Variants in FAM185A observed in about 807,000 individuals in gnomAD.
FAM185A encodes family with sequence similarity 185 member A.
A neutral mutation model predicts 45.7 loss-of-function variants in FAM185A; 21 were observed. The observed-to-expected ratio is 0.46, with a 90% CI of 0.33 to 0.66. The LOEUF (loss-of-function observed/expected upper bound fraction) is 0.66, where lower values mean the gene tolerates loss of function less well. Among genes scored for constraint, FAM185A ranks in the 30% least tolerant of loss-of-function variants. The pLI is 0.03. For missense variants in FAM185A, 305 were observed against 485.4 expected, an observed-to-expected ratio of 0.63 and a Z score of 3.49; for synonymous variants, 117 against 194.0, an observed-to-expected ratio of 0.60 and a Z score of 3.30.
the FAM185A span, among the ~76,000 whole-genome samples, chr7:102,835,500 G>GT: frequency 6.6e-6 from 1 of 151,362 alleles, no homozygotes; most frequent in African/African-American, 2.4e-5. Context: ...TAAGTGCTCA[G>GT]TACATACTAG....
At chr7:102,818,757 A>AT in the FAM185A span, among the ~76,000 whole-genome samples, 1 of 151,168 alleles carries the variant, frequency 6.6e-6, no homozygotes, top group Non-Finnish European at 1.5e-5. Flanking sequence ...ATAGAAATAT[A>AT]TCAAAAGTTC....
intron 6 of FAM185A, among the ~76,000 whole-genome samples, chr7:102,780,841 G>A (rs560067835): frequency 2.2e-4 from 33 of 152,338 alleles, no homozygotes; most frequent in African/African-American, 4.6e-4. Context: ...CGCACCGAGC[G>A]TGAGCCAAAG....
the FAM185A span, among the ~76,000 whole-genome samples, chr7:102,824,633 C>T: frequency 6.6e-6 from 1 of 151,994 alleles, no homozygotes; most frequent in South Asian, 2.1e-4. Context: ...TTACAGGTGC[C>T]CGCCACCACG....
chr7:102,768,124 T>C (rs1350669807), intron 4 of FAM185A, among the ~76,000 whole-genome samples: 1 of 121,256 alleles, frequency 8.2e-6, no homozygotes, highest in Non-Finnish European at 2.1e-5. Context: ...TAAAGTAGTT[T>C]ATTAGTAATG....
chr7:102,803,434 A>G (rs1382032880), intron 7 of FAM185A, among the ~76,000 whole-genome samples: 4 of 152,208 alleles, frequency 2.6e-5, no homozygotes, highest in African/African-American at 9.6e-5. Flanking sequence ...CAAAAATCAC[A>G]TGATCATCTC....
At chr7:102,833,099 A>C in the FAM185A span, 2,531 of 985,088 alleles carry the variant, frequency 2.6e-3, 53 homozygotes, top group African/African-American at 0.037. Flanking sequence ...TGATGCCCCC[A>C]AAAAATAATT....
At chr7:102,830,526 A>G in the FAM185A span, among the ~76,000 whole-genome samples, 5 of 152,342 alleles carry the variant, frequency 3.3e-5, no homozygotes, top group Admixed American at 2.6e-4. Flanking sequence ...CCAGAAAGAC[A>G]TCTGGTTCCC....
intron 7 of FAM185A, among the ~76,000 whole-genome samples, chr7:102,797,710 G>A (rs1180180787): frequency 1.3e-5 from 2 of 152,144 alleles, no homozygotes; most frequent in African/African-American, 2.4e-5. Context: ...TACTTAGCAT[G>A]GCACTTCCTA....
chr7:102,777,890 A>G (rs1316799116), intron 6 of FAM185A, among the ~76,000 whole-genome samples: 2 of 152,162 alleles, frequency 1.3e-5, no homozygotes, highest in African/African-American at 4.8e-5. Flanking sequence ...TCTGAGTCCA[A>G]CTCTTTCATT....
intron 7 of FAM185A, among the ~76,000 whole-genome samples, chr7:102,804,862 G>A (rs1285154451): frequency 6.6e-6 from 1 of 152,018 alleles, no homozygotes; most frequent in Non-Finnish European, 1.5e-5. Flanking sequence ...ATCAAAAAGT[G>A]GCCTAAGGAC....
chr7:102,794,509 T>C (rs1373552702), intron 7 of FAM185A, among the ~76,000 whole-genome samples: 1 of 152,158 alleles, frequency 6.6e-6, no homozygotes, highest in Non-Finnish European at 1.5e-5. Flanking sequence ...ATTATTCAAA[T>C]GCTGGCAAGT....
At chr7:102,799,198 T>TA in intron 7 of FAM185A, among the ~76,000 whole-genome samples, 1 of 152,182 alleles carries the variant, frequency 6.6e-6, no homozygotes, top group Non-Finnish European at 1.5e-5. Flanking sequence ...GATGAAGAGT[T>TA]AGAGTTAACA....
intron 7 of FAM185A, among the ~76,000 whole-genome samples, chr7:102,801,403 G>A (rs1241323441): frequency 6.6e-6 from 1 of 151,592 alleles, no homozygotes; most frequent in Non-Finnish European, 1.5e-5. Flanking sequence ...TACTAACATC[G>A]AATGTAAATG....
At chr7:102,809,773 TTGG>T (rs1194707920), downstream of FAM185A, among the ~76,000 whole-genome samples, 1 of 152,188 alleles carries the variant, frequency 6.6e-6, no homozygotes, top group African/African-American at 2.4e-5. Context: ...GACCTATCTC[TTGG>T]TGATGTAGTT....
At chr7:102,750,826 G>C (rs1371209935) in intron 1 of FAM185A, among the ~76,000 whole-genome samples, 3 of 152,170 alleles carry the variant, frequency 2.0e-5, no homozygotes, top group Non-Finnish European at 4.4e-5. Context: ...GACAGCCAAG[G>C]ATGGCATTTG....
chr7:102,798,653 A>G (rs1796586372), intron 7 of FAM185A, among the ~76,000 whole-genome samples: 1 of 152,210 alleles, frequency 6.6e-6, no homozygotes, highest in Admixed American at 6.5e-5. Context: ...TTGGTGCTAA[A>G]TGGTATTTAA....
At chr7:102,837,008 A>G in the FAM185A span, among the ~76,000 whole-genome samples, 2 of 152,228 alleles carry the variant, frequency 1.3e-5, no homozygotes, top group East Asian at 3.8e-4. Flanking sequence ...ACCATTTTCT[A>G]TAATGAAGAC....
downstream of FAM185A, among the ~76,000 whole-genome samples, chr7:102,812,911 A>C (rs566932288): frequency 1.5e-4 from 21 of 138,922 alleles, no homozygotes; most frequent in African/African-American, 5.7e-4. Context: ...GACGTGATCT[A>C]GGCTCACTGC....
At chr7:102,848,092 G>A in the FAM185A span, among the ~76,000 whole-genome samples, 2 of 152,012 alleles carry the variant, frequency 1.3e-5, no homozygotes, top group Admixed American at 1.3e-4. Flanking sequence ...ATACACACCT[G>A]CCAGTCCTTC....
Sources: gnomAD v4.1 joint callset for allele counts (sites outside exome capture counted in the v4.1 genomes callset) on GRCh38, gnomAD v4.1.1 for gene constraint, MANE v1.5 for transcripts, NCBI Gene and HGNC (gene_info 2026-07-23, HGNC 2026-07-21) for gene names.